FABP12: variants seen among roughly 807,000 people sequenced by gnomAD.
FABP12 encodes the protein fatty acid-binding protein 12.
FABP12 carries 19 observed loss-of-function variants against 13.7 expected under a neutral mutation model. The ratio of observed to expected loss-of-function variants is 1.39; its 90% CI spans 0.97 to 2.04. FABP12 has a LOEUF of 2.04. Among genes scored for constraint, FABP12 ranks in the 30% most tolerant of loss-of-function variants. FABP12 has a pLI of 0.00. For synonymous variants in FABP12, 61 were observed against 57.0 expected (o/e 1.07, Z -0.32); for missense variants, 182 against 164.2 (o/e 1.11, Z -0.59).
chr8:81,553,774 G>A (rs1357888634), intron 1 of FABP12, among the ~76,000 whole-genome samples: 2 of 152,194 alleles, frequency 1.3e-5, no homozygotes, highest in African/African-American at 4.8e-5. Flanking sequence ...TACTTTTGTA[G>A]TGTTTCTTCA....
intron 1 of FABP12, among the ~76,000 whole-genome samples, chr8:81,573,508 G>A (rs1301838933): frequency 2.6e-5 from 4 of 152,070 alleles, no homozygotes; most frequent in Non-Finnish European, 4.4e-5. Flanking sequence ...TATTTTGATG[G>A]GGACTGCATT....
At chr8:81,536,076 T>C (rs1809214818), upstream of FABP12, among the ~76,000 whole-genome samples, 1 of 152,170 alleles carries the variant, frequency 6.6e-6, no homozygotes, top group Admixed American at 6.6e-5. Flanking sequence ...ATCCCCTGGT[T>C]TCTGGCAGTA....
intron 4 of FABP12, chr8:81,526,664 TG>T (rs1462877316): frequency 5.9e-5 from 10 of 169,326 alleles, no homozygotes; most frequent in Middle Eastern, 2.7e-3. Context: ...TGTTTTTGTT[TG>T]GTGTTGAGAT....
intron 1 of FABP12, among the ~76,000 whole-genome samples, chr8:81,578,510 G>C (rs1810092698): frequency 6.8e-6 from 1 of 147,238 alleles, no homozygotes. Context: ...TTTCGAGACA[G>C]AGTCTTGCTC....
intron 1 of FABP12, among the ~76,000 whole-genome samples, chr8:81,557,670 C>T (rs1372264658): frequency 1.3e-5 from 2 of 152,160 alleles, no homozygotes; most frequent in African/African-American, 4.8e-5. Context: ...CTACAGGGAA[C>T]TCCTAGCTGA....
intron 1 of FABP12, among the ~76,000 whole-genome samples, chr8:81,574,860 C>T (rs1585857873): frequency 2.0e-5 from 3 of 151,446 alleles, no homozygotes; most frequent in African/African-American, 4.8e-5. Context: ...GTTAATATTG[C>T]TAATGGTCTA....
intron 1 of FABP12, among the ~76,000 whole-genome samples, chr8:81,554,972 C>T (rs1175869913): frequency 6.6e-6 from 1 of 152,102 alleles, no homozygotes; most frequent in East Asian, 1.9e-4. Flanking sequence ...CTAAATTCCT[C>T]TCACTAGCAT....
At chr8:81,549,527 A>G (rs946816429) in intron 1 of FABP12, among the ~76,000 whole-genome samples, 1 of 152,188 alleles carries the variant, frequency 6.6e-6, no homozygotes, top group African/African-American at 2.4e-5. Flanking sequence ...GGCACCCCAG[A>G]AAGAGAAGCA....
rs545936040 is a variant in FABP12, at chr8:81,556,876, C to T, written c.-184-17133G>A. On this transcript the variant is annotated intron_variant, in intron 1 of 5. Transcript: ENST00000692030. ...AATGATTTTATGGAAGGGAAGTGTACATCTTTTTTTTTTTTTTTTTTTTTG... is the reference window on the plus strand; with the variant it reads ...AATGATTTTATGGAAGGGAAGTGTATATCTTTTTTTTTTTTTTTTTTTTTG... Among the ~76,000 whole-genome samples, 3 of 136,624 alleles carry T rather than the reference C, an allele frequency of 2.2e-5. No individual in the cohort carries two copies. The East Asian group carries it at 6.8e-4, about 31-fold the overall frequency. 89.6% of individuals were successfully genotyped at this position (136,624 alleles called of 152,430 possible). A position where few individuals can be genotyped will look rare whatever the true frequency, so the allele number is the denominator to read the frequency against.
At chr8:81,546,622 C>A (rs1303614891) in intron 1 of FABP12, among the ~76,000 whole-genome samples, 1 of 152,072 alleles carries the variant, frequency 6.6e-6, no homozygotes, top group East Asian at 1.9e-4. Context: ...TGTCACTGCA[C>A]TCCAGCCTGG....
rs541825736 is a variant in FABP12, at chr8:81,544,811, A to G, written c.-184-5068T>C. Reference sequence around the variant, plus strand: ...GTATGTAATCAAAATAACTGCAGTGACCTGTTCAAGTGCTAAAATAGAAAA... The same window carrying G: ...GTATGTAATCAAAATAACTGCAGTGGCCTGTTCAAGTGCTAAAATAGAAAA... On this transcript the variant is annotated intron_variant, in intron 1 of 5. Transcript: ENST00000692030. Among the ~76,000 whole-genome samples, 10 of 152,306 alleles carry G rather than the reference A, an allele frequency of 6.6e-5. No homozygotes were observed. In the East Asian group the frequency reaches 1.7e-3, roughly 26 times the overall value.
chr8:81,533,524 G>A (rs1809139662), intron 1 of FABP12, among the ~76,000 whole-genome samples: 1 of 152,066 alleles, frequency 6.6e-6, no homozygotes, highest in African/African-American at 2.4e-5. Flanking sequence ...ATGAAATAGG[G>A]AACAGGTGCA....
At chr8:81,566,220 G>A (rs1327634610) in intron 1 of FABP12, among the ~76,000 whole-genome samples, 1 of 151,924 alleles carries the variant, frequency 6.6e-6, no homozygotes, top group African/African-American at 2.4e-5. Context: ...TGGTGTCACT[G>A]TGAATTCTAC....
chr8:81,570,814 T>C (rs1441126849), intron 1 of FABP12, among the ~76,000 whole-genome samples: 1 of 152,034 alleles, frequency 6.6e-6, no homozygotes, highest in Non-Finnish European at 1.5e-5. Flanking sequence ...TGCGCACCAA[T>C]TGGTTTATGA....
chr8:81,568,724 A>G lies in FABP12; in HGVS notation c.-185+21329T>C, dbSNP rs1809872317. On this transcript the variant is annotated intron_variant, in intron 1 of 5. Coordinates refer to the FABP12 transcript ENST00000692030. The stretch of plus-strand genomic sequence containing the variant: ...CCACAATTGCCAAAATTTGGAAGCA[A>G]CCTAAGTGTCCATCAATGCACAAAT... Among the ~76,000 whole-genome samples the G allele has an allele frequency of 2.6e-5, 4 of 152,212 alleles. No homozygotes were observed. The South Asian group carries it at 8.3e-4, about 31-fold the overall frequency.
chr8:81,581,457 A>G lies in FABP12; in HGVS notation c.-185+8596T>C, dbSNP rs141591983. ...CCAGATTTAACTTCATTTTGAACAA[A>G]TAAGGGAATGTAACATTTCTACATC... On this transcript the variant is annotated intron_variant, in intron 1 of 5. Transcript: ENST00000692030. 2.2e-3 allele frequency among the ~76,000 whole-genome samples: 333 copies of G among 152,346 alleles called. 2 individuals are homozygous for G. Among genetic ancestry groups the G allele is most frequent in the African/African-American group, 7.1e-3 (296 of 41,588 alleles).
upstream of FABP12, among the ~76,000 whole-genome samples, chr8:81,535,297 C>T (rs568804027): frequency 1.2e-4 from 18 of 152,200 alleles, no homozygotes; most frequent in East Asian, 5.8e-4. Flanking sequence ...CCCCTGCCAC[C>T]GAATACAATG....
At chr8:81,561,775 C>G (rs1344127721) in intron 1 of FABP12, among the ~76,000 whole-genome samples, 3 of 152,152 alleles carry the variant, frequency 2.0e-5, no homozygotes, top group Non-Finnish European at 4.4e-5. Context: ...GGTGAGTTAT[C>G]CATCCCAGTG....
exon 2 of FABP12, chr8:81,531,324 A>G (rs755276600): frequency 1.3e-6 from 2 of 1,588,220 alleles, no homozygotes; most frequent in Middle Eastern, 1.8e-4. Context: ...ATTCTGTCTG[A>G]GATAAGTTGA....
Sources: allele counts gnomAD v4.1 joint callset (sites outside exome capture counted in the v4.1 genomes callset), GRCh38; gene constraint gnomAD v4.1.1; transcripts MANE v1.5; gene names NCBI Gene and HGNC (gene_info 2026-07-23, HGNC 2026-07-21).